The following TRMT6 variants were observed in gnomAD, a reference collection of about 807,000 sequenced individuals.
TRMT6 encodes tRNA (adenine(58)-N(1))-methyltransferase non-catalytic subunit TRM6.
A neutral mutation model predicts 59.0 loss-of-function variants in TRMT6; 34 were observed. The observed-to-expected ratio is 0.58, with a 90% CI of 0.44 to 0.77. The LOEUF (loss-of-function observed/expected upper bound fraction) is 0.77, where lower values mean the gene tolerates loss of function less well. Ranked by LOEUF, TRMT6 falls within the 30% of genes least tolerant of loss-of-function variation. The pLI is 0.00. For synonymous variants in TRMT6, 217 were observed against 210.5 expected, an observed-to-expected ratio of 1.03 and a Z score of -0.27; for missense variants, 575 against 604.5, an observed-to-expected ratio of 0.95 and a Z score of 0.51.
At chr20:5,943,715 A>G in intron 5 of TRMT6, 32 bp from the exon 6 acceptor site, 1 of 1,598,860 alleles carries the variant, frequency 6.3e-7, no homozygotes, top group Admixed American at 1.8e-5. Context: ...GTTCATTTTT[A>G]GCTAAGTAAA....
chr20:5,944,977 T>C, intron 2 of TRMT6, 63 bp from the exon 3 acceptor site: 1 of 1,323,498 alleles, frequency 7.6e-7, no homozygotes, highest in Non-Finnish European at 1.1e-6. Flanking sequence ...TTTCTTTTTC[T>C]GAGTTCATAT....
chr20:5,944,870 C>T lies in TRMT6; in HGVS notation c.301G>A (p.Gly101Arg). ...TCTTGAGTAAGTTTCTGAGATTTCC[C>T]ATCATCAACTATATTTCGATTATCA... ...GTDNRNIVDD[G>R]KSQKLTQDDI... The change falls in exon 3 of 11, where the codon GGG (glycine) becomes AGG (arginine). Residue 101 changes from glycine (G) to arginine (R), a missense_variant. Coordinates refer to ENST00000203001, the MANE Select transcript of TRMT6 (RefSeq NM_015939.5). The T allele has an allele frequency of 6.2e-7, 1 of 1,614,064 alleles. No individual in the cohort carries two copies.
intron 7 of TRMT6, 40 bp downstream of exon 7, chr20:5,942,385 GGAC>G: frequency 1.3e-6 from 2 of 1,535,976 alleles, no homozygotes; most frequent in Non-Finnish European, 1.8e-6. Context: ...GTTAACTGAG[GGAC>G]TGAGATTATG....
At chr20:5,938,804 G>C in intron 10 of TRMT6, 78 bp from the exon 11 acceptor site, 1 of 1,295,654 alleles carries the variant, frequency 7.7e-7, no homozygotes, top group East Asian at 2.4e-5. Context: ...CCAAAAATCA[G>C]AATTTAAACA....
chr20:5,944,166 T>C lies in TRMT6; in HGVS notation c.454A>G (p.Lys152Glu). The change falls in exon 4 of 11, where the codon AAA (lysine) becomes GAA (glutamate). Residue 152 changes from lysine to glutamate, a missense_variant. Lys to Glu is a moderately conservative substitution (Grantham distance 56). Transcript: ENST00000203001. ...TTTAAAATAAAAACTACTTACTTTTTTTTCTTCTTTTTAATATATTTATCT... is the reference window on the plus strand; with the variant it reads ...TTTAAAATAAAAACTACTTACTTTTCTTTCTTCTTTTTAATATATTTATCT... ...AQDKYIKKKK[K>E]KYEAIITVVK... is the part of the protein sequence containing the mutation. 6.7e-7 allele frequency: 1 copy of C among 1,498,298 alleles called. No homozygotes were observed. Among genetic ancestry groups the C allele is most frequent in the Non-Finnish European group, 9.0e-7 (1 of 1,111,112 alleles). 92.8% of individuals were successfully genotyped at this position (1,498,298 alleles called of 1,614,324 possible).
chr20:5,949,514 C>T (rs1376646248), intron 1 of TRMT6, among the ~76,000 whole-genome samples: 1 of 152,130 alleles, frequency 6.6e-6, no homozygotes, highest in Non-Finnish European at 1.5e-5. Context: ...TAAAACAGAG[C>T]GATACTAGCC....
chr20:5,941,225 A>T lies in TRMT6; in HGVS notation c.1215+18T>A. ...CATTCAGACATAAGAATTCCTGCCC[A>T]TTCCATTCCAGTATTACCTCTTTGT... On this transcript the variant is annotated intron_variant, in intron 9 of 10. Coordinates refer to ENST00000203001, the MANE Select transcript of TRMT6 (RefSeq NM_015939.5). 1 of 1,610,896 alleles carries T rather than the reference A, an allele frequency of 6.2e-7. No homozygotes were observed. Among genetic ancestry groups the T allele is most frequent in the Non-Finnish European group, 8.5e-7 (1 of 1,176,996 alleles).
rs575793944 is a variant in TRMT6 at position 5,948,522 on chromosome 20, G to A, written c.128+1756C>T. The stretch of plus-strand genomic sequence containing the variant: ...AAGTATTTCCAAATAAATGTTTAGG[G>A]CAGTGGTCTCCAACCCTTTTGGCAC... On this transcript the variant is annotated intron_variant, in intron 1 of 10. Transcript: ENST00000203001. Among the ~76,000 whole-genome samples the A allele has an allele frequency of 6.6e-5, 10 of 152,186 alleles. No homozygotes were observed. In the East Asian group the frequency reaches 1.7e-3, roughly 27 times the overall value.
At position 5,950,277 on chromosome 20, in the gene TRMT6, C is replaced by T; in HGVS notation, c.128+1G>A. On this transcript the variant is annotated splice_donor_variant, in intron 1 of 10. Coordinates refer to ENST00000203001, the MANE Select transcript of TRMT6 (RefSeq NM_015939.5). LOFTEE classifies it high-confidence loss of function. ...CCCCTAAAATCAGCGATCTGACTTA[C>T]TTTCTCCGCTGGACTTGTACTGCTT... 1 of 1,604,152 alleles carries T rather than the reference C, an allele frequency of 6.2e-7. No homozygotes were observed. The highest frequency in any genetic ancestry group is 8.5e-7 in the Non-Finnish European group (1 of 1,173,172).
At chr20:5,947,679 G>A (rs991760062) in intron 1 of TRMT6, among the ~76,000 whole-genome samples, 2 of 152,196 alleles carry the variant, frequency 1.3e-5, no homozygotes, top group African/African-American at 4.8e-5. Context: ...ATTTGCTAAT[G>A]TAAACCTCCT....
At chr20:5,950,180 A>G in intron 1 of TRMT6, 98 bp downstream of exon 1, 1 of 1,347,182 alleles carries the variant, frequency 7.4e-7, no homozygotes, top group South Asian at 1.4e-5. Context: ...AGAGCCAAGA[A>G]TGGCACCCTG....
chr20:5,943,487 G>A (rs1219820846), intron 6 of TRMT6, 72 bp downstream of exon 6: 2 of 1,585,246 alleles, frequency 1.3e-6, no homozygotes, highest in African/African-American at 1.4e-5. Context: ...CTTTCCATGA[G>A]TTTACATTTT....
chr20:5,944,968 T>G (rs888225444), intron 2 of TRMT6, 54 bp from the exon 3 acceptor site: 4 of 1,437,810 alleles, frequency 2.8e-6, no homozygotes, highest in Non-Finnish European at 3.9e-6. Flanking sequence ...ATTTGACACT[T>G]TCTTTTTCTG....
chr20:5,938,612 T>A lies in TRMT6; in HGVS notation c.1417A>T (p.Asn473Tyr). The A allele has an allele frequency of 6.2e-7, 1 of 1,614,244 alleles. No individual in the cohort carries two copies. Among genetic ancestry groups the A allele is most frequent in the Non-Finnish European group, 8.5e-7 (1 of 1,180,042 alleles). ...NLKADTSLKS[N>Y]ASTLESHETE... ...TCGTGTGATTCTAAAGTGCTTGCAT[T>A]AGATTTGAGGCTGGTGTCTGCTTTA... Residue 473 changes from asparagine (N) to tyrosine (Y), a missense_variant, in exon 11 of 11, where the codon AAT becomes TAT. Coordinates refer to ENST00000203001, the MANE Select transcript of TRMT6 (RefSeq NM_015939.5).
intron 7 of TRMT6, 67 bp from the exon 8 acceptor site, chr20:5,942,103 G>A: frequency 7.5e-7 from 1 of 1,336,534 alleles, no homozygotes. Context: ...AAATGCTCTG[G>A]CCTGTCAAAA....
At chr20:5,946,710 T>G (rs911277128) in intron 1 of TRMT6, among the ~76,000 whole-genome samples, 177 bp from the exon 2 acceptor site, 4 of 152,088 alleles carry the variant, frequency 2.6e-5, no homozygotes, top group Non-Finnish European at 4.4e-5. Context: ...GACGTAAAAT[T>G]AATGAATAAG....
chr20:5,941,443 G>T, intron 8 of TRMT6, 98 bp from the exon 9 acceptor site: 1 of 809,406 alleles, frequency 1.2e-6, no homozygotes, highest in Non-Finnish European at 2.0e-6. Flanking sequence ...TAATTTGCAT[G>T]ACTCACAAAG....
chr20:5,942,074 CT>C lies in TRMT6; in HGVS notation c.1027-39del, dbSNP rs769076576. 4 of 1,539,810 alleles carry C rather than the reference CT, an allele frequency of 2.6e-6. No individual in the cohort carries two copies. In the East Asian group the frequency reaches 9.0e-5, roughly 35 times the overall value. On this transcript the variant is annotated intron_variant, in intron 7 of 10. Coordinates refer to ENST00000203001, the MANE Select transcript of TRMT6 (RefSeq NM_015939.5). ...AAATAAGAAATCAATGTACTGGGGT[CT>C]TTCAGTCAAATTTATGGAAATGCTC...
At chr20:5,939,880 A>G (rs530212187) in intron 10 of TRMT6, among the ~76,000 whole-genome samples, 12 of 152,326 alleles carry the variant, frequency 7.9e-5, no homozygotes, top group Non-Finnish European at 1.6e-4. Flanking sequence ...GGCCTACGGC[A>G]GCATGGAGGT....
Sources: allele counts gnomAD v4.1 joint callset (sites outside exome capture counted in the v4.1 genomes callset), GRCh38; gene constraint gnomAD v4.1.1; transcripts MANE v1.5; gene names NCBI Gene and HGNC (gene_info 2026-07-23, HGNC 2026-07-21).